KLHL21: variants seen among roughly 807,000 people sequenced by gnomAD.
KLHL21 encodes kelch-like protein 21.
In KLHL21, 42 loss-of-function variants were observed where a neutral mutation model predicts 44.1. That is an observed-to-expected ratio of 0.95 (90% CI 0.74 to 1.23). The LOEUF (loss-of-function observed/expected upper bound fraction) is 1.23, where lower values mean the gene tolerates loss of function less well. KLHL21 is among the 50% of genes most tolerant of loss of function. The pLI is 0.00. For missense variants in KLHL21, 918 were observed against 889.1 expected (o/e 1.03, Z -0.41); for synonymous variants, 524 against 411.6 (o/e 1.27, Z -3.31).
At position 6,595,562 on chromosome 1, in the gene KLHL21, G is replaced by T. The variant is rs780821422; in HGVS notation, c.1428-5C>A. 1 of 1,612,874 alleles carries T rather than the reference G, an allele frequency of 6.2e-7. No individual in the cohort carries two copies. The highest frequency in any genetic ancestry group is 1.3e-5 in the African/African-American group (1 of 75,018). The stretch of plus-strand genomic sequence containing the variant: ...TCCACCTCAGCGGAGTCATCCCTGT[G>T]GAGGGGGCAGCAGGAGGACAACTGC... On this transcript the variant is annotated splice_region_variant and splice_polypyrimidine_tract_variant and intron_variant, in intron 2 of 3. Coordinates refer to ENST00000377658, the MANE Select transcript of KLHL21 (RefSeq NM_014851.4).
chr1:6,601,770 A>G (rs1235265151), intron 1 of KLHL21, 27 bp downstream of exon 1: 1 of 1,526,812 alleles, frequency 6.5e-7, no homozygotes, highest in South Asian at 1.2e-5. Flanking sequence ...AACCCCAGAG[A>G]GCCTGCCCAG....
chr1:6,596,132 G>C (rs1307706538), intron 2 of KLHL21, among the ~76,000 whole-genome samples: 1 of 152,242 alleles, frequency 6.6e-6, no homozygotes, highest in East Asian at 1.9e-4. Flanking sequence ...AGGCACTGTG[G>C]CTCACGCCTG....
rs771664109 is a variant in KLHL21 at position 6,599,278 on chromosome 1, G to A, written c.1196C>T (p.Thr399Ile). The change falls in exon 2 of 4, where the codon ACT (threonine) becomes ATT (isoleucine). Residue 399 changes from threonine (T) to isoleucine (I), a missense_variant. Transcript: ENST00000377658. ...GGGCTGCAGGGCCTCCCAGGAGTCA[G>A]TGGTGTGGTCATAGCGCTCGGTGCT... is the stretch of plus-strand genomic sequence containing the variant. ...ADSTERYDHT[T>I]DSWEALQPMT... 7 of 1,614,098 alleles carry A rather than the reference G, an allele frequency of 4.3e-6. No individual in the cohort carries two copies. In the Admixed American group the frequency reaches 1.2e-4, roughly 27 times the overall value.
rs976895925 is a variant in KLHL21 at position 6,600,266 on chromosome 1, G to A, written c.1022-814C>T. 3.3e-5 allele frequency among the ~76,000 whole-genome samples: 5 copies of A among 152,158 alleles called. No individual in the cohort carries two copies. The South Asian group carries it at 6.2e-4, about 19-fold the overall frequency. On this transcript the variant is annotated intron_variant, in intron 1 of 3. Transcript: ENST00000377658. ...TCGCCATGTTGTCCAGGCTGGTCTC[G>A]AACTCCTGAGCTGAAGTGATCCACC...
chr1:6,598,446 T>G (rs932545400), intron 2 of KLHL21, among the ~76,000 whole-genome samples: 2 of 152,088 alleles, frequency 1.3e-5, no homozygotes, highest in African/African-American at 2.4e-5. Flanking sequence ...GGCACATGCC[T>G]GTAATCCCAG....
At position 6,602,298 on chromosome 1, in the gene KLHL21, C is replaced by G. The variant is rs1337746226; in HGVS notation, c.520G>C (p.Glu174Gln). 1 of 1,556,182 alleles carries G rather than the reference C, an allele frequency of 6.4e-7. No individual in the cohort carries two copies. The highest frequency in any genetic ancestry group is 2.4e-5 in the East Asian group (1 of 41,522). Residue 174 changes from glutamate to glutamine, a missense_variant, in exon 1 of 4, where the codon GAG (glutamate) becomes CAG (glutamine). Glu to Gln is a conservative substitution (Grantham distance 29). Coordinates refer to ENST00000377658, the MANE Select transcript of KLHL21 (RefSeq NM_014851.4). ...HVGELGAEQL[E>Q]RLPLARLLRY... The stretch of plus-strand genomic sequence containing the variant: ...AGCAGGCGCGCCAGTGGCAGCCGCT[C>G]CAGCTGCTCGGCGCCCAGCTCGCCC...
intron 2 of KLHL21, among the ~76,000 whole-genome samples, chr1:6,597,039 C>G (rs1640937231): frequency 6.6e-6 from 1 of 152,232 alleles, no homozygotes. Flanking sequence ...AAGCAGGGCC[C>G]CTGCATGCTT....
At chr1:6,601,573 C>T (rs1641019477) in intron 1 of KLHL21, among the ~76,000 whole-genome samples, 1 of 152,236 alleles carries the variant, frequency 6.6e-6, no homozygotes, top group Admixed American at 6.5e-5. Context: ...CCCGGCCGCA[C>T]GGGGCACAGA....
In KLHL21 at chr1:6,602,374, G is replaced by A. The variant is rs763896854; in HGVS notation, c.444C>T (p.Phe148=). The A allele has an allele frequency of 1.3e-5, 20 of 1,586,906 alleles. No homozygotes were observed. The highest frequency in any genetic ancestry group is 4.6e-5 in the South Asian group (4 of 87,852). ...CCGCGCTCGCCAGTCCCGAGCAGCT[G>A]AAGGCCTCAGCGAAGTCCTGCATGT... ...CLDMQDFAEA[F]SCSGLASAAQ... The change falls in exon 1 of 4, where the codon TTC becomes TTT. Residue 148 remains phenylalanine, a synonymous_variant. Transcript: ENST00000377658.
In KLHL21 at chr1:6,593,261, C is replaced by A; in HGVS notation, c.*104G>T. Reference sequence around the variant, plus strand: ...TGGCTTCGCCACCCAAGAGCCTGTGCTCCTCCTGTGAGCCCAACGTGTCCT... The same window carrying A: ...TGGCTTCGCCACCCAAGAGCCTGTGATCCTCCTGTGAGCCCAACGTGTCCT... On this transcript the variant is annotated 3_prime_UTR_variant, in exon 4 of 4. Transcript: ENST00000377658. The A allele has an allele frequency of 7.8e-7, 1 of 1,276,208 alleles. No individual in the cohort carries two copies. The highest frequency in any genetic ancestry group is 1.1e-6 in the Non-Finnish European group (1 of 936,328). 79.1% of individuals were successfully genotyped at this position (1,276,208 alleles called of 1,614,324 possible). A position where few individuals can be genotyped will look rare whatever the true frequency, so the allele number is the denominator to read the frequency against.
rs1463848010 is a variant in KLHL21, at chr1:6,602,780, G to A, written c.38C>T (p.Ser13Leu). The change falls in exon 1 of 4, where the codon TCG becomes TTG. Residue 13 changes from serine (S) to leucine (L), a missense_variant. By Grantham distance (145) the Ser-to-Leu change is moderately radical. Coordinates refer to ENST00000377658, the MANE Select transcript of KLHL21 (RefSeq NM_014851.4). Reference protein sequence around the residue: ...RPAPLAVLPFSDPAHALSLLR... With the variant: ...RPAPLAVLPFLDPAHALSLLR... ...CAGGCTCAGGGCGTGCGCGGGGTCC[G>A]AGAAGGGAAGCACGGCCAGGGGCGC... The A allele has an allele frequency of 6.8e-7, 1 of 1,478,982 alleles. No homozygotes were observed. The highest frequency in any genetic ancestry group is 8.9e-7 in the Non-Finnish European group (1 of 1,124,430). The allele number at this position is 1,478,982 out of a possible 1,614,324, so 91.6% of individuals were successfully genotyped here. A position where few individuals can be genotyped will look rare whatever the true frequency, so the allele number is the denominator to read the frequency against.
At chr1:6,596,499 C>T (rs1557433204) in intron 2 of KLHL21, among the ~76,000 whole-genome samples, 2 of 152,190 alleles carry the variant, frequency 1.3e-5, no homozygotes. Flanking sequence ...CCTGACACGG[C>T]AGCACAAAAC....
intron 2 of KLHL21, among the ~76,000 whole-genome samples, chr1:6,597,123 G>A (rs1045369832): frequency 6.6e-6 from 1 of 152,256 alleles, no homozygotes; most frequent in Admixed American, 6.5e-5. Flanking sequence ...CTCCGGCACA[G>A]GTCACACTGG....
rs1053737566 is a variant in KLHL21, at chr1:6,595,524, C to T, written c.1461G>A (p.Pro487=). ...GGATCTTGTCCCATTCGTTCCTCGT[C>T]GGGTTGTACACGTCCACCTCAGCGG... ...DDSAEVDVYN[P]TRNEWDKIPS... is the part of the protein sequence containing the mutation. The change falls in exon 3 of 4, where the codon CCG becomes CCA. Residue 487 remains proline, a synonymous_variant. Coordinates refer to ENST00000377658, the MANE Select transcript of KLHL21 (RefSeq NM_014851.4). 14 of 1,614,002 alleles carry T rather than the reference C, an allele frequency of 8.7e-6. No individual in the cohort carries two copies. Among genetic ancestry groups the T allele is most frequent in the Middle Eastern group, 1.6e-4 (1 of 6,074 alleles).
At chr1:6,599,802 A>C in intron 1 of KLHL21, 1 of 254,774 alleles carries the variant, frequency 3.9e-6, no homozygotes, top group East Asian at 8.1e-5. Context: ...GGGGAGCCAC[A>C]GAGCTTGTCA....
chr1:6,599,286 G>C lies in KLHL21; in HGVS notation c.1188C>G (p.Asp396Glu), dbSNP rs777335079. 6.2e-7 allele frequency: 1 copy of C among 1,614,040 alleles called. No homozygotes were observed. Among genetic ancestry groups the C allele is most frequent in the African/African-American group, 1.3e-5 (1 of 75,048 alleles). ...VVAADSTERY[D>E]HTTDSWEALQ... is the part of the protein sequence containing the mutation. ...GGGCCTCCCAGGAGTCAGTGGTGTG[G>C]TCATAGCGCTCGGTGCTGTCGGCGG... Residue 396 changes from aspartate (D) to glutamate (E), a missense_variant, in exon 2 of 4, where the codon GAC becomes GAG. Physicochemically the swap from Asp to Glu is conservative, Grantham distance 45. Transcript: ENST00000377658.
chr1:6,596,646 C>G (rs1342946115), intron 2 of KLHL21, among the ~76,000 whole-genome samples: 1 of 152,176 alleles, frequency 6.6e-6, no homozygotes, highest in Non-Finnish European at 1.5e-5. Flanking sequence ...GTCAAAGTCA[C>G]CCTCAGTTTG....
chr1:6,598,635 C>T (rs1640961895), intron 2 of KLHL21, among the ~76,000 whole-genome samples: 1 of 152,184 alleles, frequency 6.6e-6, no homozygotes, highest in Admixed American at 6.5e-5. Context: ...GTAATCCCAG[C>T]ACTTTGGGAG....
Position 6,593,579 on chromosome 1 carries a change from G to A in KLHL21, c.1580C>T (p.Ser527Leu), listed in dbSNP as rs560480904. The change falls in exon 4 of 4, where the codon TCG (serine) becomes TTG (leucine). Residue 527 changes from serine to leucine, a missense_variant. Transcript: ENST00000377658. ...TGGGTCATAGGCCTCTACCACGTCC[G>A]AGAGTTCAAATGTATTGTCGTATCC... ...SGGYDNTFELSDVVEAYDPET... is the reference protein window; with the variant it reads ...SGGYDNTFELLDVVEAYDPET... 3 of 1,613,848 alleles carry A rather than the reference G, an allele frequency of 1.9e-6. No individual in the cohort carries two copies. The highest frequency in any genetic ancestry group is 1.1e-5 in the South Asian group (1 of 91,084).
Sources: allele counts gnomAD v4.1 joint callset (sites outside exome capture counted in the v4.1 genomes callset), GRCh38; gene constraint gnomAD v4.1.1; transcripts MANE v1.5; gene names NCBI Gene and HGNC (gene_info 2026-07-23, HGNC 2026-07-21).